Variants in ANKS1A observed in about 807,000 individuals in gnomAD.
ANKS1A encodes ankyrin repeat and sterile alpha motif domain containing 1A, also known as ankyrin repeat and SAM domain-containing protein 1A.
ANKS1A carries 55 observed loss-of-function variants against 120.3 expected under a neutral mutation model. The ratio of observed to expected loss-of-function variants is 0.46; its 90% CI spans 0.37 to 0.57. The LOEUF (loss-of-function observed/expected upper bound fraction) is 0.57. Ranked by LOEUF, ANKS1A falls within the 20% of genes least tolerant of loss-of-function variation. The probability of loss-of-function intolerance (pLI) is 0.00; values close to 1 mark genes in which losing one functional copy is unlikely to be tolerated. For missense variants in ANKS1A, 1,123 were observed against 1,480.3 expected (o/e 0.76, Z 3.96); for synonymous variants, 590 against 604.7 (o/e 0.98, Z 0.36).
intron 3 of ANKS1A, among the ~76,000 whole-genome samples, chr6:34,978,127 T>C (rs1181659441): frequency 7.9e-5 from 12 of 151,944 alleles, no homozygotes; most frequent in Non-Finnish European, 1.8e-4. Flanking sequence ...CCCAGCTAAT[T>C]TTTGTATTTT....
At chr6:35,070,484 C>CTTT (rs869249276) in intron 13 of ANKS1A, among the ~76,000 whole-genome samples, 45 of 62,998 alleles carry the variant, frequency 7.1e-4, no homozygotes, top group African/African-American at 9.7e-4. Flanking sequence ...AAGCCTTTAT[C>CTTT]TTTTTTTTTT....
At chr6:35,016,631 TCTCGAGA>T (rs1409876066) in intron 10 of ANKS1A, among the ~76,000 whole-genome samples, 1 of 152,196 alleles carries the variant, frequency 6.6e-6, no homozygotes, top group African/African-American at 2.4e-5. Context: ...GTTAGGGAAG[TCTCGAGA>T]GAACTGCAAA....
At chr6:35,071,077 G>A (rs903941503) in intron 13 of ANKS1A, 1 of 393,774 alleles carries the variant, frequency 2.5e-6, no homozygotes, top group Admixed American at 3.2e-5. Flanking sequence ...TTGACTCCAG[G>A]CCTTTAGATA....
intron 9 of ANKS1A, among the ~76,000 whole-genome samples, chr6:34,991,573 CACACACATAT>C (rs1772523843): frequency 8.1e-6 from 1 of 123,900 alleles, no homozygotes; most frequent in Non-Finnish European, 1.7e-5. Flanking sequence ...CACACACACA[CACACACATAT>C]ACACATATAT....
chr6:35,089,657 C>T lies in ANKS1A; in HGVS notation c.*1048C>T, dbSNP rs1387506036. ...AAGGCTAAATAAGGTGACAGTGCAT[C>T]GATGCTCCCCCGCGTGGCCTTTGGG... On this transcript the variant is annotated 3_prime_UTR_variant, in exon 24 of 24. Coordinates refer to ENST00000360359, the MANE Select transcript of ANKS1A (RefSeq NM_015245.3). The T allele has an allele frequency of 3.0e-6, 3 of 989,014 alleles. No individual in the cohort carries two copies. The highest frequency in any genetic ancestry group is 1.2e-4 in the Admixed American group (2 of 16,742). The allele number at this position is 989,014 out of a possible 1,614,324, so 61.3% of individuals were successfully genotyped here.
Position 35,025,456 on chromosome 6 carries a change from T to TCCCTTGCTGCC in ANKS1A, c.2010+7398_2010+7408dup, listed in dbSNP as rs58238162. On this transcript the variant is annotated intron_variant, in intron 11 of 23. Transcript: ENST00000360359. The stretch of plus-strand genomic sequence containing the variant: ...AGCACCTCTCTCTCCCGCTTGCTGG[T>TCCCTTGCTGCC]CCCTTGCTGCCATCACGTCTCTAAC... 3.2e-3 allele frequency among the ~76,000 whole-genome samples: 480 copies of TCCCTTGCTGCC among 152,146 alleles called. 12 individuals carry two copies. In the East Asian group the frequency reaches 0.072, roughly 23 times the overall value.
chr6:35,018,217 G>T (rs1279397643), intron 11 of ANKS1A, among the ~76,000 whole-genome samples, 158 bp downstream of exon 11: 2 of 152,250 alleles, frequency 1.3e-5, no homozygotes, highest in Non-Finnish European at 2.9e-5. Context: ...CGTAAGAAGA[G>T]GCGAGCCTCA....
intron 7 of ANKS1A, among the ~76,000 whole-genome samples, chr6:34,984,808 T>C (rs1446129838): frequency 1.3e-5 from 2 of 152,148 alleles, no homozygotes; most frequent in African/African-American, 2.4e-5. Flanking sequence ...GGTATTGAGG[T>C]ATTTTGGGAC....
intron 1 of ANKS1A, among the ~76,000 whole-genome samples, chr6:34,913,485 C>A (rs890490629): frequency 1.3e-5 from 2 of 152,142 alleles, no homozygotes; most frequent in African/African-American, 4.8e-5. Flanking sequence ...TGCCACTATG[C>A]CCAGCTAATT....
intron 1 of ANKS1A, among the ~76,000 whole-genome samples, chr6:34,938,844 C>T (rs190152196): frequency 2.7e-4 from 41 of 152,286 alleles, no homozygotes; most frequent in Admixed American, 1.9e-3. Context: ...AAAAATTTGC[C>T]GGGCGTGGTG....
intron 11 of ANKS1A, among the ~76,000 whole-genome samples, chr6:35,034,503 C>G (rs1775058889): frequency 6.6e-6 from 1 of 152,198 alleles, no homozygotes; most frequent in South Asian, 2.1e-4. Flanking sequence ...GGGTCTAGAC[C>G]TGGCTTGTGG....
intron 1 of ANKS1A, among the ~76,000 whole-genome samples, chr6:34,891,922 C>T (rs888971781): frequency 3.3e-5 from 5 of 152,178 alleles, no homozygotes; most frequent in African/African-American, 4.8e-5. Context: ...CCACCTTGCC[C>T]GGCCTCAGGT....
At chr6:35,038,538 A>G (rs112562200) in intron 11 of ANKS1A, among the ~76,000 whole-genome samples, 27 of 151,960 alleles carry the variant, frequency 1.8e-4, no homozygotes, top group Non-Finnish European at 3.7e-4. Context: ...CTGGAGTGCA[A>G]TGGTGTGACA....
rs1775646712 is a variant in ANKS1A, at chr6:35,044,956, G to T, written c.2011-9143G>T. ...ACAGATGTTTCCCAGTGTAAGTAAG[G>T]CTGGCATCTGGTCAAGTTACAGAGG... On this transcript the variant is annotated intron_variant, in intron 11 of 23. Coordinates refer to ENST00000360359, the MANE Select transcript of ANKS1A (RefSeq NM_015245.3). This position sits in a 1 kb window ranked among gnomAD's most constrained non-coding sequence, Gnocchi z 4.4. 6.6e-6 allele frequency among the ~76,000 whole-genome samples: 1 copy of T among 152,158 alleles called. No homozygotes were observed. The highest frequency in any genetic ancestry group is 6.5e-5 in the Admixed American group (1 of 15,276).
At chr6:35,065,302 G>A (rs966211238) in intron 13 of ANKS1A, among the ~76,000 whole-genome samples, 1 of 152,172 alleles carries the variant, frequency 6.6e-6, no homozygotes, top group Non-Finnish European at 1.5e-5. Context: ...CCCAGGTACT[G>A]CTCTGGCCTT....
At chr6:35,016,228 T>G (rs1464728371) in intron 10 of ANKS1A, among the ~76,000 whole-genome samples, 2 of 152,222 alleles carry the variant, frequency 1.3e-5, no homozygotes, top group Admixed American at 1.3e-4. Flanking sequence ...AGTCTTCTCC[T>G]GCACCACCTG....
chr6:34,954,683 C>G (rs1425530694), intron 1 of ANKS1A, among the ~76,000 whole-genome samples: 1 of 152,168 alleles, frequency 6.6e-6, no homozygotes, highest in African/African-American at 2.4e-5. Context: ...CCACAAGGTT[C>G]CCAGAATTAT....
In ANKS1A at chr6:35,050,519, TA is replaced by T. The variant is rs1313218670; in HGVS notation, c.2011-3578del. Among the ~76,000 whole-genome samples, 1 of 152,250 alleles carries T rather than the reference TA, an allele frequency of 6.6e-6. No individual in the cohort carries two copies. The highest frequency in any genetic ancestry group is 2.4e-5 in the African/African-American group (1 of 41,468). Reference sequence around the variant, plus strand: ...AAAGCTGCCTGTTCAGATTTTTTTTTAACTTAAAGCTAGGAGGTTAAACTGC... The same window carrying T: ...AAAGCTGCCTGTTCAGATTTTTTTTTACTTAAAGCTAGGAGGTTAAACTGC... On this transcript the variant is annotated intron_variant, in intron 11 of 23. Coordinates refer to ENST00000360359, the MANE Select transcript of ANKS1A (RefSeq NM_015245.3). The surrounding 1 kb of genome is among the most constrained non-coding windows in gnomAD (Gnocchi z 4.3).
At chr6:34,946,602 G>A (rs76777057) in intron 1 of ANKS1A, among the ~76,000 whole-genome samples, 15,542 of 147,424 alleles carry the variant, frequency 0.11, 951 homozygotes, top group East Asian at 0.34. Flanking sequence ...AAAAAAAAAG[G>A]GGGGGTTAAT....
Sources: allele counts gnomAD v4.1 joint callset (sites outside exome capture counted in the v4.1 genomes callset), GRCh38; gene constraint gnomAD v4.1.1; non-coding constraint Gnocchi (gnomAD v3.1); transcripts MANE v1.5; gene names NCBI Gene and HGNC (gene_info 2026-07-23, HGNC 2026-07-21).